BPNT2: variants seen among roughly 807,000 people sequenced by gnomAD.
The protein encoded by BPNT2 is 3'(2'), 5'-bisphosphate nucleotidase 2, also known as Golgi-resident adenosine 3',5'-bisphosphate 3'-phosphatase.
Under a neutral mutation model 29.3 loss-of-function variants are expected in BPNT2, and 11 were observed. That is an observed-to-expected ratio of 0.38 (90% confidence interval 0.24 to 0.62). BPNT2 has a LOEUF of 0.62. Among genes scored for constraint, BPNT2 ranks in the 20% least tolerant of loss-of-function variants. The pLI, the probability that BPNT2 is intolerant of heterozygous loss-of-function variation, is 0.62. For missense variants in BPNT2, 459 were observed against 473.4 expected, an observed-to-expected ratio of 0.97 and a Z score of 0.28; for synonymous variants, 195 against 187.7, an observed-to-expected ratio of 1.04 and a Z score of -0.32.
chr8:56,964,733 A>G (rs879480847), intron 4 of BPNT2, among the ~76,000 whole-genome samples: 3 of 152,232 alleles, frequency 2.0e-5, no homozygotes, highest in African/African-American at 7.2e-5. Flanking sequence ...ATGGAATGAC[A>G]TATTATACAC....
rs778966040 is a variant in BPNT2 at position 56,962,895 on chromosome 8, T to C, written c.*898A>G. ...AATGTCAAGTAACTTTCAATTGTAA[T>C]AGAATCATTTATATTCTTATAGTGC... On this transcript the variant is annotated 3_prime_UTR_variant, in exon 5 of 5. Coordinates refer to ENST00000262644, the MANE Select transcript of BPNT2 (RefSeq NM_017813.5). 6.6e-6 allele frequency: 1 copy of C among 152,224 alleles called. No homozygotes were observed. The highest frequency in any genetic ancestry group is 1.5e-5 in the Non-Finnish European group (1 of 68,036). 9.4% of individuals were successfully genotyped at this position (152,224 alleles called of 1,614,324 possible).
At chr8:56,981,325 G>A (rs1436627616) in intron 1 of BPNT2, among the ~76,000 whole-genome samples, 3 of 152,292 alleles carry the variant, frequency 2.0e-5, no homozygotes, top group Admixed American at 6.5e-5. Context: ...CCAGCACTTC[G>A]GGAGGCCGAG....
At chr8:56,980,613 T>C (rs532426539) in intron 1 of BPNT2, among the ~76,000 whole-genome samples, 1 of 150,358 alleles carries the variant, frequency 6.7e-6, no homozygotes, top group South Asian at 2.1e-4. Flanking sequence ...AATAGGGAGG[T>C]ACAGTCAAAT....
At chr8:56,993,034 C>A (rs960131105) in intron 1 of BPNT2, among the ~76,000 whole-genome samples, 165 bp downstream of exon 1, 1 of 152,204 alleles carries the variant, frequency 6.6e-6, no homozygotes, top group Non-Finnish European at 1.5e-5. Context: ...TGCAACCTCA[C>A]CCAGCTCCTC....
chr8:56,966,088 T>TC (rs1475459904), intron 4 of BPNT2, 103 bp downstream of exon 4: 1 of 1,261,268 alleles, frequency 7.9e-7, no homozygotes, highest in Non-Finnish European at 1.1e-6. Context: ...ACACCACTCC[T>TC]CCTCACTTTC....
intron 1 of BPNT2, among the ~76,000 whole-genome samples, chr8:56,990,870 A>G (rs565972570): frequency 1.3e-5 from 2 of 152,338 alleles, no homozygotes; most frequent in East Asian, 3.9e-4. Flanking sequence ...TACATAGGAA[A>G]GTAGTGGGAG....
Position 56,980,081 on chromosome 8 carries a change from A to G in BPNT2, c.504T>C (p.Ser168=). 6.2e-7 allele frequency: 1 copy of G among 1,613,846 alleles called. No homozygotes were observed. Among genetic ancestry groups the G allele is most frequent in the Non-Finnish European group, 8.5e-7 (1 of 1,179,830 alleles). Residue 168 remains serine (S), a synonymous_variant, in exon 2 of 5, where the codon AGT becomes AGC. Coordinates refer to ENST00000262644, the MANE Select transcript of BPNT2 (RefSeq NM_017813.5). ...CAAGTGGGTCAATCCAGACAGTAACACTTTCTGCTGGTACCTCTTTAGGAG... is the reference window on the plus strand; with the variant it reads ...CAAGTGGGTCAATCCAGACAGTAACGCTTTCTGCTGGTACCTCTTTAGGAG... The part of the protein sequence containing the change: ...VTTPKEVPAE[S]VTVWIDPLDA...
At chr8:56,978,166 C>A (rs771180129) in intron 2 of BPNT2, 21 bp from the exon 3 acceptor site, 1 of 1,396,254 alleles carries the variant, frequency 7.2e-7, no homozygotes, top group South Asian at 1.2e-5. Flanking sequence ...AAAAACAAAA[C>A]AACACACACA....
intron 3 of BPNT2, among the ~76,000 whole-genome samples, chr8:56,975,696 CAT>C (rs1806120204): frequency 6.6e-6 from 1 of 152,094 alleles, no homozygotes; most frequent in Non-Finnish European, 1.5e-5. Context: ...TTCCTTGTCA[CAT>C]AGTTACTGAA....
Position 56,960,091 on chromosome 8 carries a change from G to A in BPNT2, c.*3702C>T, listed in dbSNP as rs562580552. On this transcript the variant is annotated 3_prime_UTR_variant, in exon 5 of 5. Transcript: ENST00000262644. ...CATAGCCAATAGGTAGTTACAGCTAGAATAATTCCAACAGTTCCTGTTTTA... is the reference window on the plus strand; with the variant it reads ...CATAGCCAATAGGTAGTTACAGCTAAAATAATTCCAACAGTTCCTGTTTTA... 2.0e-5 allele frequency: 3 copies of A among 152,276 alleles called. No homozygotes were observed. The highest frequency in any genetic ancestry group is 7.2e-5 in the African/African-American group (3 of 41,564). 9.4% of individuals were successfully genotyped at this position (152,276 alleles called of 1,614,324 possible). A position where few individuals can be genotyped will look rare whatever the true frequency, so the allele number is the denominator to read the frequency against.
At chr8:56,978,618 G>C (rs960093537) in intron 2 of BPNT2, among the ~76,000 whole-genome samples, 7 of 151,542 alleles carry the variant, frequency 4.6e-5, no homozygotes, top group African/African-American at 1.7e-4. Context: ...ATTCACAATA[G>C]CAAAGACATG....
intron 3 of BPNT2, among the ~76,000 whole-genome samples, chr8:56,969,849 G>A (rs952912051): frequency 6.6e-6 from 1 of 152,176 alleles, no homozygotes; most frequent in African/African-American, 2.4e-5. Context: ...CAGAGAGGAA[G>A]CCTGTTCCTT....
rs764206111 is a variant in BPNT2, at chr8:56,966,197, C to T, written c.802G>A (p.Gly268Ser). ...CACAGGAAGAGGAACATACCAGCAC[C>T]ACCAGCTGGGATAATTGTAGTCTGG... ...GNQTTIIPAG[G>S]AGYKVLALLD... is the part of the protein sequence containing the mutation. The change falls in exon 4 of 5, where the codon GGT becomes AGT. Residue 268 changes from glycine to serine, a missense_variant. Coordinates refer to ENST00000262644, the MANE Select transcript of BPNT2 (RefSeq NM_017813.5). The T allele has an allele frequency of 6.2e-7, 1 of 1,614,106 alleles. No individual in the cohort carries two copies.
intron 1 of BPNT2, among the ~76,000 whole-genome samples, chr8:56,982,487 A>G (rs1806261157): frequency 6.6e-6 from 1 of 152,214 alleles, no homozygotes; most frequent in South Asian, 2.1e-4. Context: ...GTCTTTATTA[A>G]TTCAGCAAAT....
At position 56,958,112 on chromosome 8, in the gene BPNT2, G is replaced by C. The variant is rs913975105; in HGVS notation, c.*5681C>G. ...AAAACAATTTAGTATGTGGGGGGGT[G>C]ATAATCATAAATATTTGCAAAGGTA... is the stretch of plus-strand genomic sequence containing the variant. On this transcript the variant is annotated 3_prime_UTR_variant, in exon 5 of 5. Transcript: ENST00000262644. The C allele has an allele frequency of 1.3e-5, 2 of 152,078 alleles. No homozygotes were observed. Among genetic ancestry groups the C allele is most frequent in the African/African-American group, 4.8e-5 (2 of 41,406 alleles). The allele number at this position is 152,078 out of a possible 1,614,324, so 9.4% of individuals were successfully genotyped here. A position where few individuals can be genotyped will look rare whatever the true frequency, so the allele number is the denominator to read the frequency against.
At position 56,963,424 on chromosome 8, in the gene BPNT2, T is replaced by C. The variant is rs959356211; in HGVS notation, c.*369A>G. On this transcript the variant is annotated 3_prime_UTR_variant, in exon 5 of 5. Coordinates refer to ENST00000262644, the MANE Select transcript of BPNT2 (RefSeq NM_017813.5). ...TTAAACATCTACACAAAAATCAATCTTTCCTTCAACCGAATTCTATATGAA... is the reference window on the plus strand; with the variant it reads ...TTAAACATCTACACAAAAATCAATCCTTCCTTCAACCGAATTCTATATGAA... The C allele has an allele frequency of 3.8e-5, 7 of 185,920 alleles. No homozygotes were observed. In the Admixed American group the frequency reaches 4.0e-4, roughly 11 times the overall value. The allele number at this position is 185,920 out of a possible 1,614,324, so 11.5% of individuals were successfully genotyped here.
chr8:56,981,819 T>C (rs564750890), intron 1 of BPNT2, among the ~76,000 whole-genome samples: 1 of 152,158 alleles, frequency 6.6e-6, no homozygotes, highest in South Asian at 2.1e-4. Flanking sequence ...GGACAGGCTG[T>C]TGGGTCCTGT....
At chr8:56,968,914 G>GT (rs1805990009) in intron 3 of BPNT2, among the ~76,000 whole-genome samples, 1 of 152,208 alleles carries the variant, frequency 6.6e-6, no homozygotes, top group African/African-American at 2.4e-5. Context: ...TCATAGTGGA[G>GT]TAAGGTGGGC....
chr8:56,975,817 A>C (rs1195157334), intron 3 of BPNT2, among the ~76,000 whole-genome samples: 1 of 151,628 alleles, frequency 6.6e-6, no homozygotes, highest in Non-Finnish European at 1.5e-5. Context: ...GATTTGAATA[A>C]AATTTCTATG....
Sources: gnomAD v4.1 joint callset for allele counts (sites outside exome capture counted in the v4.1 genomes callset) on GRCh38, gnomAD v4.1.1 for gene constraint, MANE v1.5 for transcripts, NCBI Gene and HGNC (gene_info 2026-07-23, HGNC 2026-07-21) for gene names.